Variants in TNFSF4 observed in about 807,000 individuals in gnomAD.
The protein encoded by TNFSF4 is tumor necrosis factor ligand superfamily member 4.
Under a neutral mutation model 7.3 loss-of-function variants are expected in TNFSF4, and 4 were observed. The ratio of observed to expected loss-of-function variants is 0.55; its 90% CI spans 0.27 to 1.25. TNFSF4 has a LOEUF of 1.25. Among genes scored for constraint, TNFSF4 ranks in the 50% most tolerant of loss-of-function variants. The pLI is 0.12. For synonymous variants in TNFSF4, 76 were observed against 83.7 expected (o/e 0.91, Z 0.50); for missense variants, 181 against 208.8 (o/e 0.87, Z 0.82).
At chr1:173,188,163 G>A (rs1257489518) in intron 2 of TNFSF4, among the ~76,000 whole-genome samples, 1 of 152,176 alleles carries the variant, frequency 6.6e-6, no homozygotes, top group Non-Finnish European at 1.5e-5. Flanking sequence ...AATACAATTA[G>A]CAGGCAATAA....
chr1:173,324,590 C>A, the TNFSF4 span, among the ~76,000 whole-genome samples: 2 of 152,144 alleles, frequency 1.3e-5, no homozygotes, highest in African/African-American at 4.8e-5. Flanking sequence ...AGAGTCAAGA[C>A]CCATCAGTGC....
the TNFSF4 span, among the ~76,000 whole-genome samples, chr1:173,216,812 A>T: frequency 2.0e-5 from 3 of 152,076 alleles, no homozygotes; most frequent in African/African-American, 7.2e-5. Context: ...GCTTTCTACA[A>T]ATTGGCTCAG....
At chr1:173,409,723 A>G in the TNFSF4 span, among the ~76,000 whole-genome samples, 1 of 152,196 alleles carries the variant, frequency 6.6e-6, no homozygotes, top group South Asian at 2.1e-4. Context: ...GCATAAAAAT[A>G]TGACTCCCAC....
At chr1:173,231,085 A>C in the TNFSF4 span, among the ~76,000 whole-genome samples, 3 of 152,208 alleles carry the variant, frequency 2.0e-5, no homozygotes, top group Non-Finnish European at 2.9e-5. Context: ...ATCCTCCCTA[A>C]CTCACTTTAT....
the TNFSF4 span, among the ~76,000 whole-genome samples, chr1:173,447,248 T>C: frequency 6.6e-6 from 1 of 152,174 alleles, no homozygotes; most frequent in African/African-American, 2.4e-5. Flanking sequence ...GAGAGATGAA[T>C]ATGCAGAATA....
the TNFSF4 span, among the ~76,000 whole-genome samples, chr1:173,242,433 C>A: frequency 6.6e-6 from 1 of 152,098 alleles, no homozygotes; most frequent in African/African-American, 2.4e-5. Flanking sequence ...GAACAGAATT[C>A]TTTGGCTACT....
At chr1:173,338,045 T>C in the TNFSF4 span, among the ~76,000 whole-genome samples, 2 of 152,168 alleles carry the variant, frequency 1.3e-5, no homozygotes, top group Non-Finnish European at 2.9e-5. Context: ...ATGGAAGTTA[T>C]GCATGGACTC....
the TNFSF4 span, among the ~76,000 whole-genome samples, chr1:173,421,530 C>G: frequency 6.6e-6 from 1 of 152,082 alleles, no homozygotes; most frequent in Non-Finnish European, 1.5e-5. Context: ...AATAATCTGC[C>G]ATCCTCAAGT....
the TNFSF4 span, among the ~76,000 whole-genome samples, chr1:173,232,520 T>G: frequency 2.6e-5 from 4 of 152,192 alleles, no homozygotes. Flanking sequence ...ATAGCAGTGG[T>G]GAGAGAGGGC....
chr1:173,261,742 A>C, the TNFSF4 span, among the ~76,000 whole-genome samples: 3 of 152,194 alleles, frequency 2.0e-5, no homozygotes, highest in Non-Finnish European at 4.4e-5. Context: ...AAATGGATAA[A>C]TTCCTGGACA....
chr1:173,218,636 C>T, the TNFSF4 span, among the ~76,000 whole-genome samples: 32,759 of 151,984 alleles, frequency 0.22, 4,033 homozygotes, highest in Admixed American at 0.31. Context: ...CTAACCCTTA[C>T]ATTACATCGA....
At chr1:173,182,237 GATA>G (rs1649067583), downstream of TNFSF4, among the ~76,000 whole-genome samples, 1 of 137,286 alleles carries the variant, frequency 7.3e-6, no homozygotes, top group Non-Finnish European at 1.5e-5. Flanking sequence ...TTGTTCAACT[GATA>G]GAAAAAATAA....
chr1:173,321,530 A>C, the TNFSF4 span, among the ~76,000 whole-genome samples: 1 of 152,288 alleles, frequency 6.6e-6, no homozygotes, highest in African/African-American at 2.4e-5. Flanking sequence ...CTATCATCAG[A>C]ATGAACAGGC....
chr1:173,188,599 G>GA (rs779799642), intron 1 of TNFSF4, 30 bp from the exon 2 acceptor site: 29 of 1,580,316 alleles, frequency 1.8e-5, no homozygotes, highest in Admixed American at 3.4e-5. Flanking sequence ...ATATTCTTAG[G>GA]AAAAAAACAT....
upstream of TNFSF4, among the ~76,000 whole-genome samples, chr1:173,210,015 GA>G (rs1431521314): frequency 2.0e-5 from 3 of 150,756 alleles, no homozygotes; most frequent in Non-Finnish European, 4.4e-5. Context: ...TGTTCAGAAA[GA>G]AGCAAAAAAC....
the TNFSF4 span, among the ~76,000 whole-genome samples, chr1:173,339,213 T>C: frequency 1.3e-5 from 2 of 151,990 alleles, no homozygotes; most frequent in Non-Finnish European, 2.9e-5. Context: ...ACCTCATCTC[T>C]ACAAAAAAAA....
At chr1:173,235,878 G>A in the TNFSF4 span, among the ~76,000 whole-genome samples, 3 of 152,040 alleles carry the variant, frequency 2.0e-5, no homozygotes, top group Non-Finnish European at 4.4e-5. Context: ...TGGACTTAAT[G>A]CCTGTTGATT....
chr1:173,220,204 C>A, the TNFSF4 span, among the ~76,000 whole-genome samples: 2 of 152,026 alleles, frequency 1.3e-5, no homozygotes, highest in Admixed American at 6.6e-5. Flanking sequence ...AGCAAAATTT[C>A]TTCTGCTACT....
At chr1:173,439,356 A>G in the TNFSF4 span, among the ~76,000 whole-genome samples, 3 of 152,212 alleles carry the variant, frequency 2.0e-5, no homozygotes, top group Non-Finnish European at 4.4e-5. Flanking sequence ...CTAATGACTC[A>G]GCAGCACACA....
Sources: allele counts gnomAD v4.1 joint callset (sites outside exome capture counted in the v4.1 genomes callset), GRCh38; gene constraint gnomAD v4.1.1; transcripts MANE v1.5; gene names NCBI Gene and HGNC (gene_info 2026-07-23, HGNC 2026-07-21).